The following SUCLG2 variants were observed in gnomAD, a reference collection of about 807,000 sequenced individuals.
SUCLG2 encodes succinate--CoA ligase [GDP-forming] subunit beta, mitochondrial.
In SUCLG2, 42 loss-of-function variants were observed where a neutral mutation model predicts 47.9. That is an observed-to-expected ratio of 0.88 (90% CI 0.69 to 1.14). The LOEUF (loss-of-function observed/expected upper bound fraction) is 1.14, where lower values mean the gene tolerates loss of function less well. Ranked by LOEUF, SUCLG2 falls within the 50% of genes most tolerant of loss-of-function variation. The pLI, the probability that SUCLG2 is intolerant of heterozygous loss-of-function variation, is 0.00. For missense variants in SUCLG2, 571 were observed against 525.9 expected (o/e 1.09, Z -0.84); for synonymous variants, 195 against 197.3 (o/e 0.99, Z 0.10).
chr3:67,419,302 G>C (rs953520561), intron 9 of SUCLG2, among the ~76,000 whole-genome samples: 4 of 152,046 alleles, frequency 2.6e-5, no homozygotes, highest in Admixed American at 2.6e-4. Flanking sequence ...ATGTTATCTC[G>C]GTCTCTCCTG....
chr3:67,541,623 C>T (rs914639904), intron 2 of SUCLG2, among the ~76,000 whole-genome samples: 5 of 152,184 alleles, frequency 3.3e-5, no homozygotes, highest in Non-Finnish European at 7.3e-5. Context: ...CTTCCCCAAC[C>T]TAGCAAGGCA....
chr3:67,583,546 T>C (rs1022481638), intron 2 of SUCLG2, among the ~76,000 whole-genome samples: 2 of 152,206 alleles, frequency 1.3e-5, no homozygotes, highest in Non-Finnish European at 2.9e-5. Flanking sequence ...ACAATGCTCA[T>C]TTATTGTCTC....
intron 6 of SUCLG2, chr3:67,514,041 C>A: frequency 2.8e-6 from 1 of 357,876 alleles, no homozygotes; most frequent in Non-Finnish European, 5.6e-6. Context: ...AGGCGCAAGC[C>A]GAGCGGTTGG....
At chr3:67,554,960 C>T (rs1202460115) in intron 2 of SUCLG2, among the ~76,000 whole-genome samples, 1 of 152,034 alleles carries the variant, frequency 6.6e-6, no homozygotes, top group Non-Finnish European at 1.5e-5. Flanking sequence ...GATCAAGTAC[C>T]CAGGCACTGA....
chr3:67,503,482 T>C (rs1429489689), intron 7 of SUCLG2, among the ~76,000 whole-genome samples: 2 of 152,222 alleles, frequency 1.3e-5, no homozygotes, highest in Admixed American at 6.5e-5. Flanking sequence ...GATTGATGTC[T>C]ATGTCAACAG....
In SUCLG2 at chr3:67,517,972, A is replaced by G. The variant is rs191875104; in HGVS notation, c.660+275T>C. Reference sequence around the variant, plus strand: ...TGGCTAAGTACCAGCAATGCTACAGAAAAAATAGAGATTACCATCTATCAT... The same window carrying G: ...TGGCTAAGTACCAGCAATGCTACAGGAAAAATAGAGATTACCATCTATCAT... On this transcript the variant is annotated intron_variant, in intron 6 of 10. Transcript: ENST00000307227. Among the ~76,000 whole-genome samples, 4 of 152,350 alleles carry G rather than the reference A, an allele frequency of 2.6e-5. No homozygotes were observed. In the East Asian group the frequency reaches 7.7e-4, roughly 29 times the overall value.
intron 1 of SUCLG2, among the ~76,000 whole-genome samples, chr3:67,621,853 C>T (rs1413215721): frequency 2.0e-5 from 3 of 152,154 alleles, no homozygotes; most frequent in Non-Finnish European, 4.4e-5. Context: ...TAGTTTCAGG[C>T]TGTCTCTTAT....
At chr3:67,608,792 C>G (rs561266943) in intron 2 of SUCLG2, among the ~76,000 whole-genome samples, 2 of 152,104 alleles carry the variant, frequency 1.3e-5, no homozygotes, top group East Asian at 3.9e-4. Flanking sequence ...ATCCTCCTGC[C>G]AAAGCCTCCA....
chr3:67,465,748 A>G (rs1049688095), intron 9 of SUCLG2, among the ~76,000 whole-genome samples: 1 of 152,000 alleles, frequency 6.6e-6, no homozygotes, highest in African/African-American at 2.4e-5. Context: ...TGCTGATAAA[A>G]TCCTTGCACA....
chr3:67,624,709 T>C (rs55780245), intron 1 of SUCLG2, among the ~76,000 whole-genome samples: 8,725 of 152,260 alleles, frequency 0.057, 344 homozygotes, highest in African/African-American at 0.11. Context: ...ATTACTTTTA[T>C]CTATAAGAAT....
At chr3:67,493,407 T>C (rs1705252650) in intron 9 of SUCLG2, among the ~76,000 whole-genome samples, 1 of 152,140 alleles carries the variant, frequency 6.6e-6, no homozygotes, top group South Asian at 2.1e-4. Flanking sequence ...ACAGTTAATC[T>C]CAAAAAAAGT....
intron 1 of SUCLG2, among the ~76,000 whole-genome samples, chr3:67,642,428 G>T (rs1440676993): frequency 2.6e-5 from 4 of 151,854 alleles, no homozygotes; most frequent in African/African-American, 9.7e-5. Context: ...AACAAAGCAA[G>T]ACCTTGTCTC....
chr3:67,438,659 C>T (rs2106905086), intron 9 of SUCLG2, among the ~76,000 whole-genome samples: 1 of 152,250 alleles, frequency 6.6e-6, no homozygotes, highest in East Asian at 1.9e-4. Flanking sequence ...AATTCCTGGA[C>T]ACATACACCC....
intron 9 of SUCLG2, among the ~76,000 whole-genome samples, chr3:67,439,172 T>C (rs183682726): frequency 1.3e-5 from 2 of 152,214 alleles, no homozygotes; most frequent in Non-Finnish European, 2.9e-5. Context: ...AAAAGACCTT[T>C]GATAAAATTC....
intron 9 of SUCLG2, among the ~76,000 whole-genome samples, chr3:67,465,841 T>C (rs557301509): frequency 5.9e-5 from 9 of 152,162 alleles, no homozygotes; most frequent in Admixed American, 5.2e-4. Flanking sequence ...CCACAGAAAA[T>C]TATCTAGTGT....
intron 10 of SUCLG2, among the ~76,000 whole-genome samples, chr3:67,387,025 T>C (rs1441065680): frequency 1.3e-5 from 2 of 152,194 alleles, no homozygotes; most frequent in African/African-American, 4.8e-5. Context: ...TCCTTTCTCT[T>C]TCCTTCCCTG....
chr3:67,515,716 C>G (rs1474498181), intron 6 of SUCLG2, among the ~76,000 whole-genome samples: 3 of 151,986 alleles, frequency 2.0e-5, no homozygotes, highest in African/African-American at 4.8e-5. Context: ...AAATGTTTTC[C>G]CTTCTACACT....
chr3:67,638,409 CTTGGCATT>C (rs1305691932), intron 1 of SUCLG2, among the ~76,000 whole-genome samples: 1 of 152,190 alleles, frequency 6.6e-6, no homozygotes, highest in Non-Finnish European at 1.5e-5. Flanking sequence ...TGTAGCTACA[CTTGGCATT>C]TCACCTCCTA....
intron 1 of SUCLG2, among the ~76,000 whole-genome samples, chr3:67,621,450 C>A (rs974558171): frequency 6.6e-6 from 1 of 152,156 alleles, no homozygotes; most frequent in African/African-American, 2.4e-5. Context: ...ATCTTAACCT[C>A]AAATCTTTTG....
Sources: gnomAD v4.1 joint callset for allele counts (sites outside exome capture counted in the v4.1 genomes callset) on GRCh38, gnomAD v4.1.1 for gene constraint, MANE v1.5 for transcripts, NCBI Gene and HGNC (gene_info 2026-07-23, HGNC 2026-07-21) for gene names.